The following SEC14L1 variants were observed in gnomAD, a reference collection of about 807,000 sequenced individuals.
The protein encoded by SEC14L1 is SEC14 like lipid binding 1.
Under a neutral mutation model 85.3 loss-of-function variants are expected in SEC14L1, and 48 were observed. The ratio of observed to expected loss-of-function variants is 0.56; its 90% CI spans 0.45 to 0.72. The LOEUF is 0.72. Ranked by LOEUF, SEC14L1 falls within the 30% of genes least tolerant of loss-of-function variation. The pLI, the probability that SEC14L1 is intolerant of heterozygous loss-of-function variation, is 0.00. For missense variants in SEC14L1, 682 were observed against 921.4 expected (o/e 0.74, Z 3.36); for synonymous variants, 391 against 355.5 (o/e 1.10, Z -1.12).
At chr17:77,158,757 T>C (rs1215540448) in intron 3 of SEC14L1, among the ~76,000 whole-genome samples, 1 of 150,414 alleles carries the variant, frequency 6.6e-6, no homozygotes, top group African/African-American at 2.4e-5. Context: ...GTCTGTACTA[T>C]ACATTTTTAA....
intron 3 of SEC14L1, among the ~76,000 whole-genome samples, chr17:77,105,391 C>G (rs926740416): frequency 7.9e-6 from 1 of 126,190 alleles, no homozygotes; most frequent in South Asian, 3.0e-4. Context: ...CCCCACCCCA[C>G]GTAAAAAGAG....
intron 11 of SEC14L1, among the ~76,000 whole-genome samples, 163 bp downstream of exon 11, chr17:77,205,509 A>T (rs1598398653): frequency 6.6e-6 from 1 of 151,350 alleles, no homozygotes; most frequent in African/African-American, 2.5e-5. Flanking sequence ...ACAGACAGTT[A>T]GTGTTTTTTG....
intron 8 of SEC14L1, chr17:77,199,475 CT>C: frequency 1.2e-5 from 2 of 162,088 alleles, no homozygotes; most frequent in Admixed American, 6.4e-5. Context: ...GCTTGCTTCC[CT>C]TTTCCATGGT....
At chr17:77,138,598 C>G (rs1230500984), upstream of SEC14L1, among the ~76,000 whole-genome samples, 1 of 151,976 alleles carries the variant, frequency 6.6e-6, no homozygotes, top group Non-Finnish European at 1.5e-5. Flanking sequence ...CCAGCCTGGG[C>G]AACAGAGTAA....
intron 3 of SEC14L1, among the ~76,000 whole-genome samples, chr17:77,161,668 C>G (rs1329628321): frequency 7.1e-6 from 1 of 140,930 alleles, no homozygotes; most frequent in East Asian, 2.1e-4. Flanking sequence ...AGAGATTTTG[C>G]TTTACTTTCA....
intron 3 of SEC14L1, among the ~76,000 whole-genome samples, chr17:77,097,399 A>G (rs1317625230): frequency 1.3e-5 from 2 of 151,950 alleles, no homozygotes; most frequent in African/African-American, 4.8e-5. Flanking sequence ...CCCCGTCTCT[A>G]TTAAAAGTAC....
In SEC14L1 at chr17:77,206,898, C is replaced by T; in HGVS notation, c.1476+36C>T. The T allele has an allele frequency of 6.8e-7, 1 of 1,473,472 alleles. No homozygotes were observed. Among genetic ancestry groups the T allele is most frequent in the Non-Finnish European group, 9.0e-7 (1 of 1,108,740 alleles). The allele number at this position is 1,473,472 out of a possible 1,614,324, so 91.3% of individuals were successfully genotyped here. A position where few individuals can be genotyped will look rare whatever the true frequency, so the allele number is the denominator to read the frequency against. On this transcript the variant is annotated intron_variant, in intron 13 of 16. Transcript: ENST00000436233. This position sits in a 1 kb window ranked among gnomAD's most constrained non-coding sequence, Gnocchi z 4.3. Reference sequence around the variant, plus strand: ...AGGCGAGGAACTGCACATTTGGCCCCTTATGCAGGTGGGAGAGGTCGGTGT... The same window carrying T: ...AGGCGAGGAACTGCACATTTGGCCCTTTATGCAGGTGGGAGAGGTCGGTGT...
intron 2 of SEC14L1, chr17:77,089,286 G>A (rs1439242053): frequency 2.2e-6 from 1 of 444,772 alleles, no homozygotes; most frequent in African/African-American, 2.1e-5. Context: ...GTCAAGCATG[G>A]TGACAAAGTG....
intron 3 of SEC14L1, among the ~76,000 whole-genome samples, chr17:77,154,006 A>G (rs1973690714): frequency 6.6e-6 from 1 of 152,206 alleles, no homozygotes; most frequent in Admixed American, 6.5e-5. Context: ...AGCCCTCTGT[A>G]TCCTTGTGTT....
Position 77,143,717 on chromosome 17 carries a change from A to C in SEC14L1, c.63+58A>C, listed in dbSNP as rs370610460. ...CTTCTTATTTATAAAGTACAGTGTT[A>C]GAATTTGATGATCTATAGATTTATT... On this transcript the variant is annotated intron_variant, in intron 3 of 16. Coordinates refer to ENST00000436233, the MANE Select transcript of SEC14L1 (RefSeq NM_001143998.2). 218 of 1,231,774 alleles carry C rather than the reference A, an allele frequency of 1.8e-4. 1 individual carries two copies. The highest frequency in any genetic ancestry group is 2.2e-4 in the Non-Finnish European group (187 of 840,266). 76.3% of individuals were successfully genotyped at this position (1,231,774 alleles called of 1,614,324 possible).
chr17:77,118,456 C>A (rs1192461573), intron 3 of SEC14L1, among the ~76,000 whole-genome samples: 1 of 152,208 alleles, frequency 6.6e-6, no homozygotes, highest in African/African-American at 2.4e-5. Flanking sequence ...GAAAAGGGAA[C>A]AAAGGTGACT....
rs1442509346 is a variant in SEC14L1 at position 77,212,130 on chromosome 17, G to A, written c.1792G>A (p.Val598Ile). ...GGNNVQLIDKVWQLGRDYSMV... is the reference protein window; with the variant it reads ...GGNNVQLIDKIWQLGRDYSMV... ...GAACAATGTGCAGCTCATAGACAAA[G>A]TCTGGCAGCTGGGCCGCGACTACAG... is the stretch of plus-strand genomic sequence containing the variant. The change falls in exon 15 of 17, where the codon GTC becomes ATC. Residue 598 changes from valine to isoleucine, a missense_variant. By Grantham distance (29) the Val-to-Ile change is conservative. Coordinates refer to ENST00000436233, the MANE Select transcript of SEC14L1 (RefSeq NM_001143998.2). The A allele has an allele frequency of 6.2e-7, 1 of 1,614,050 alleles. No individual in the cohort carries two copies. Among genetic ancestry groups the A allele is most frequent in the African/African-American group, 1.3e-5 (1 of 74,950 alleles).
chr17:77,143,309 A>G (rs996618335), intron 2 of SEC14L1, among the ~76,000 whole-genome samples: 5 of 152,318 alleles, frequency 3.3e-5, no homozygotes, highest in Middle Eastern at 6.8e-3. Context: ...CAGTAAGCCA[A>G]TGAGAGGATT....
chr17:77,160,596 A>G (rs1163479184), intron 3 of SEC14L1, among the ~76,000 whole-genome samples: 5 of 152,246 alleles, frequency 3.3e-5, no homozygotes, highest in African/African-American at 2.4e-5. Context: ...AGTATTTGAC[A>G]TTCAAGATTT....
chr17:77,104,193 C>G (rs1166801660), intron 3 of SEC14L1, among the ~76,000 whole-genome samples: 1 of 148,496 alleles, frequency 6.7e-6, no homozygotes, highest in Non-Finnish European at 1.5e-5. Context: ...GATCTCGGCT[C>G]ACTGCAACCT....
At chr17:77,145,163 T>G (rs1383162075) in intron 3 of SEC14L1, 2 of 150,982 alleles carry the variant, frequency 1.3e-5, no homozygotes, top group African/African-American at 4.9e-5. Flanking sequence ...ATTTGTTTTG[T>G]TTTGTTTTTT....
rs1489298950 is a variant in SEC14L1, at chr17:77,216,590, A to G, written c.*2567A>G. The G allele has an allele frequency of 5.6e-6, 9 of 1,613,290 alleles. No individual in the cohort carries two copies. Among genetic ancestry groups the G allele is most frequent in the Non-Finnish European group, 7.6e-6 (9 of 1,179,448 alleles). On this transcript the variant is annotated 3_prime_UTR_variant, in exon 17 of 17. Coordinates refer to ENST00000436233, the MANE Select transcript of SEC14L1 (RefSeq NM_001143998.2). ...CAGCTGCCAAGAAAATGCTTCACTC[A>G]ACAGTCCTCATGTGCCCAGAGATGT...
chr17:77,112,718 T>C (rs540088630), intron 3 of SEC14L1, among the ~76,000 whole-genome samples: 2 of 151,864 alleles, frequency 1.3e-5, no homozygotes, highest in East Asian at 3.9e-4. Context: ...ACCCCATCTC[T>C]ACTAAAAATA....
intron 3 of SEC14L1, among the ~76,000 whole-genome samples, chr17:77,180,632 A>T (rs1974990087): frequency 6.6e-6 from 1 of 152,082 alleles, no homozygotes; most frequent in African/African-American, 2.4e-5. Context: ...GAGGCAGCTG[A>T]CTTTGGTTGA....
Sources: gnomAD v4.1 joint callset for allele counts (sites outside exome capture counted in the v4.1 genomes callset) on GRCh38, gnomAD v4.1.1 for gene constraint, Gnocchi (gnomAD v3.1) non-coding constraint, MANE v1.5 for transcripts, NCBI Gene and HGNC (gene_info 2026-07-23, HGNC 2026-07-21) for gene names.